The following SLC39A14 variants were observed in gnomAD, a reference collection of about 807,000 sequenced individuals.
SLC39A14 encodes the protein solute carrier family 39 member 14, also known as metal cation symporter ZIP14.
Under a neutral mutation model 45.5 loss-of-function variants are expected in SLC39A14, and 19 were observed. That is an observed-to-expected ratio of 0.42 (90% CI 0.29 to 0.61). The LOEUF (loss-of-function observed/expected upper bound fraction) is 0.61, where lower values mean the gene tolerates loss of function less well. Among genes scored for constraint, SLC39A14 ranks in the 20% least tolerant of loss-of-function variants. The pLI is 0.22. For synonymous variants in SLC39A14, 264 were observed against 251.3 expected (o/e 1.05, Z -0.48); for missense variants, 447 against 616.5 (o/e 0.73, Z 2.91).
intron 1 of SLC39A14, among the ~76,000 whole-genome samples, chr8:22,382,426 C>T (rs113880177): frequency 1.3e-5 from 2 of 152,236 alleles, no homozygotes; most frequent in African/African-American, 4.8e-5. Context: ...GTCCCAGCTA[C>T]TTGGACAGAT....
In SLC39A14 at chr8:22,422,647, G is replaced by A. The variant is rs1219300760; in HGVS notation, c.*2949G>A. The A allele has an allele frequency of 1.0e-6, 1 of 980,836 alleles. No homozygotes were observed. Among genetic ancestry groups the A allele is most frequent in the East Asian group, 1.1e-4 (1 of 8,806 alleles). The allele number at this position is 980,836 out of a possible 1,614,324, so 60.8% of individuals were successfully genotyped here. Reference sequence around the variant, plus strand: ...TGGACTGTAAATGTTTTATTTGTAAGATTCTATAAATAAAGCTATATTCTG... The same window carrying A: ...TGGACTGTAAATGTTTTATTTGTAAAATTCTATAAATAAAGCTATATTCTG... On this transcript the variant is annotated 3_prime_UTR_variant, in exon 9 of 9. Coordinates refer to ENST00000381237, the MANE Select transcript of SLC39A14 (RefSeq NM_001128431.4).
intron 1 of SLC39A14, among the ~76,000 whole-genome samples, chr8:22,380,828 C>T (rs1833465869): frequency 6.6e-6 from 1 of 151,996 alleles, no homozygotes. Flanking sequence ...AGGCATGTAC[C>T]ACCATGCCAA....
intron 1 of SLC39A14, among the ~76,000 whole-genome samples, chr8:22,369,587 CAA>C (rs1832822825): frequency 1.3e-5 from 2 of 152,202 alleles, no homozygotes; most frequent in Admixed American, 1.3e-4. Context: ...GATAGCAACA[CAA>C]GAGAAGCCTC....
At chr8:22,401,333 C>T (rs1421386081) in intron 1 of SLC39A14, among the ~76,000 whole-genome samples, 1 of 152,070 alleles carries the variant, frequency 6.6e-6, no homozygotes, top group Non-Finnish European at 1.5e-5. Flanking sequence ...GCCCTGGGTG[C>T]CTGGGTAAGA....
At chr8:22,398,988 C>T (rs1834685019) in intron 1 of SLC39A14, among the ~76,000 whole-genome samples, 1 of 152,204 alleles carries the variant, frequency 6.6e-6, no homozygotes, top group South Asian at 2.1e-4. Flanking sequence ...GGCAAGTGCA[C>T]CCTCAGGCAG....
downstream of SLC39A14, among the ~76,000 whole-genome samples, chr8:22,425,888 T>TTTTTTC (rs779301081): frequency 7.9e-6 from 1 of 126,240 alleles, no homozygotes. Context: ...AGATGGTTTT[T>TTTTTTC]GTTTTTTTTT....
At chr8:22,394,444 C>A (rs1363246078) in intron 1 of SLC39A14, among the ~76,000 whole-genome samples, 1 of 151,906 alleles carries the variant, frequency 6.6e-6, no homozygotes, top group Non-Finnish European at 1.5e-5. Context: ...CTCAACCTCC[C>A]AAGTAGCTGG....
intron 1 of SLC39A14, among the ~76,000 whole-genome samples, chr8:22,399,327 C>T (rs1201277690): frequency 6.6e-6 from 1 of 152,204 alleles, no homozygotes; most frequent in Non-Finnish European, 1.5e-5. Context: ...ACCTTTTCCC[C>T]GCTAAGAATA....
downstream of SLC39A14, among the ~76,000 whole-genome samples, chr8:22,424,388 A>C (rs956631212): frequency 6.6e-6 from 1 of 152,238 alleles, no homozygotes; most frequent in Non-Finnish European, 1.5e-5. Context: ...GTTCAATCTT[A>C]TGACTACCTC....
At chr8:22,399,149 G>C (rs1049886236) in intron 1 of SLC39A14, among the ~76,000 whole-genome samples, 1 of 152,148 alleles carries the variant, frequency 6.6e-6, no homozygotes, top group African/African-American at 2.4e-5. Flanking sequence ...ACCCTGGGGG[G>C]ACTGGAGTGG....
chr8:22,403,721 C>A (rs371944593), intron 1 of SLC39A14, among the ~76,000 whole-genome samples: 1 of 151,260 alleles, frequency 6.6e-6, no homozygotes, highest in Non-Finnish European at 1.5e-5. Flanking sequence ...GAGTTTGAGA[C>A]GAGCGGGCAA....
intron 1 of SLC39A14, among the ~76,000 whole-genome samples, chr8:22,398,976 GAGGCAAGTGCACCCTC>G (rs1834684484): frequency 1.3e-5 from 2 of 152,188 alleles, no homozygotes; most frequent in Admixed American, 1.3e-4. Flanking sequence ...ATTTGACCCT[GAGGCAAGTGCACCCTC>G]AGGCAGAGAG....
rs1489996802 is a variant in SLC39A14, at chr8:22,422,496, ATT to A, written c.*2802_*2803del. On this transcript the variant is annotated 3_prime_UTR_variant, in exon 9 of 9. Transcript: ENST00000381237. ...ATCTACTTTAAAACAAAGTTGTCTG[ATT>A]TTTGCAAGAGAGGTTAGGATTTTAT... is the stretch of plus-strand genomic sequence containing the variant. The A allele has an allele frequency of 1.0e-6, 1 of 985,698 alleles. No individual in the cohort carries two copies. The highest frequency in any genetic ancestry group is 1.2e-6 in the Non-Finnish European group (1 of 829,934). The allele number at this position is 985,698 out of a possible 1,614,324, so 61.1% of individuals were successfully genotyped here. A position where few individuals can be genotyped will look rare whatever the true frequency, so the allele number is the denominator to read the frequency against.
chr8:22,420,815 A>C lies in SLC39A14; in HGVS notation c.*1117A>C. 1 of 985,480 alleles carries C rather than the reference A, an allele frequency of 1.0e-6. No individual in the cohort carries two copies. Among genetic ancestry groups the C allele is most frequent in the Non-Finnish European group, 1.2e-6 (1 of 829,932 alleles). 61.0% of individuals were successfully genotyped at this position (985,480 alleles called of 1,614,324 possible). ...TAAGGGCACAAACTTCACTTAGGGC[A>C]TCGCAGATGTTTGCAGAATGGTTGG... is the stretch of plus-strand genomic sequence containing the variant. On this transcript the variant is annotated 3_prime_UTR_variant, in exon 9 of 9. Transcript: ENST00000381237.
intron 2 of SLC39A14, 23 bp from the exon 3 acceptor site, chr8:22,408,287 T>C: frequency 6.2e-7 from 1 of 1,607,282 alleles, no homozygotes; most frequent in South Asian, 1.1e-5. Context: ...TCTAAGCGGC[T>C]TCCTGCCCTT....
downstream of SLC39A14, among the ~76,000 whole-genome samples, chr8:22,424,686 GTTTC>G (rs980620155): frequency 6.6e-6 from 1 of 151,636 alleles, no homozygotes; most frequent in Non-Finnish European, 1.5e-5. Flanking sequence ...GGCGTATCTG[GTTTC>G]TTTCTGTGAT....
At chr8:22,399,737 T>G (rs1834745111) in intron 1 of SLC39A14, among the ~76,000 whole-genome samples, 1 of 152,272 alleles carries the variant, frequency 6.6e-6, no homozygotes, top group African/African-American at 2.4e-5. Flanking sequence ...AGCAGCCACC[T>G]GAGGGGCCGA....
At chr8:22,379,110 T>C (rs888766527) in intron 1 of SLC39A14, among the ~76,000 whole-genome samples, 1 of 152,218 alleles carries the variant, frequency 6.6e-6, no homozygotes, top group African/African-American at 2.4e-5. Context: ...CTCCCATCTC[T>C]GCCTCTGTCT....
Position 22,371,416 on chromosome 8 carries a change from T to TAAATAA in SLC39A14, c.-16+4008_-16+4009insAAATAA, listed in dbSNP as rs370150138. The stretch of plus-strand genomic sequence containing the variant: ...ATATCTAAAAAAAAAATACATGTCT[T>TAAATAA]TTTTTTTTTTTTTTTTTTTTTTTTT... On this transcript the variant is annotated intron_variant, in intron 1 of 8. Coordinates refer to ENST00000381237, the MANE Select transcript of SLC39A14 (RefSeq NM_001128431.4). Among the ~76,000 whole-genome samples the TAAATAA allele has an allele frequency of 3.0e-3, 49 of 16,394 alleles. 1 individual carries two copies. Among genetic ancestry groups the TAAATAA allele is most frequent in the East Asian group, 0.017 (2 of 120 alleles). The allele number at this position is 16,394 out of a possible 152,430, so 10.8% of individuals were successfully genotyped here.
Sources: allele counts gnomAD v4.1 joint callset (sites outside exome capture counted in the v4.1 genomes callset), GRCh38; gene constraint gnomAD v4.1.1; transcripts MANE v1.5; gene names NCBI Gene and HGNC (gene_info 2026-07-23, HGNC 2026-07-21).